FOXP1: variants seen among roughly 807,000 people sequenced by gnomAD.
FOXP1 encodes forkhead box protein P1.
Under a neutral mutation model 98.2 loss-of-function variants are expected in FOXP1, and 15 were observed. The ratio of observed to expected loss-of-function variants is 0.15; its 90% CI spans 0.10 to 0.24. The LOEUF (loss-of-function observed/expected upper bound fraction) is 0.24, where lower values mean the gene tolerates loss of function less well. FOXP1 is among the 10% of genes least tolerant of loss of function. The pLI is 1.00. For synonymous variants in FOXP1, 371 were observed against 314.5 expected, an observed-to-expected ratio of 1.18 and a Z score of -1.90; for missense variants, 633 against 848.5, an observed-to-expected ratio of 0.75 and a Z score of 3.15.
chr3:71,108,100 A>C (rs1162196318), intron 7 of FOXP1, among the ~76,000 whole-genome samples: 1 of 152,210 alleles, frequency 6.6e-6, no homozygotes, highest in African/African-American at 2.4e-5. Flanking sequence ...TTCAGGTTCA[A>C]ATTCTTTATA....
chr3:71,529,037 C>T (rs184455203), intron 2 of FOXP1, among the ~76,000 whole-genome samples: 1 of 152,290 alleles, frequency 6.6e-6, no homozygotes, highest in Admixed American at 6.5e-5. Context: ...ATCTATAAGG[C>T]TCACCTTAGA....
intron 10 of FOXP1, among the ~76,000 whole-genome samples, chr3:71,042,955 C>T (rs988067638): frequency 2.0e-5 from 3 of 152,032 alleles, no homozygotes; most frequent in East Asian, 1.9e-4. Flanking sequence ...CCAGAGAATC[C>T]GAGTGGTTAA....
At position 70,955,205 on chromosome 3, in the gene FOXP1, T is replaced by A; in HGVS notation, c.*4042A>T. On this transcript the variant is annotated 3_prime_UTR_variant, in exon 21 of 21. Coordinates refer to ENST00000649528, the MANE Select transcript of FOXP1 (RefSeq NM_001349338.3). ...TGGAATATGGAAAAGAGAGGAAATA[T>A]TTTTTAACTCTATTTTTTTTCATGA... is the stretch of plus-strand genomic sequence containing the variant. The A allele has an allele frequency of 4.3e-6, 1 of 232,222 alleles. No homozygotes were observed. Among genetic ancestry groups the A allele is most frequent in the Non-Finnish European group, 8.5e-6 (1 of 117,382 alleles). 14.4% of individuals were successfully genotyped at this position (232,222 alleles called of 1,614,324 possible). A position where few individuals can be genotyped will look rare whatever the true frequency, so the allele number is the denominator to read the frequency against.
intron 17 of FOXP1, among the ~76,000 whole-genome samples, chr3:70,974,500 T>C (rs566204944): frequency 2.0e-5 from 3 of 152,292 alleles, no homozygotes; most frequent in South Asian, 4.1e-4. Flanking sequence ...GGTCTTGCTA[T>C]GTTGCCCAGG....
rs181367607 is a variant in FOXP1, at chr3:71,469,862, G to A, written c.-168+23564C>T. On this transcript the variant is annotated intron_variant, in intron 3 of 20. Coordinates refer to ENST00000649528, the MANE Select transcript of FOXP1 (RefSeq NM_001349338.3). ...ATGTGCAGTAGCTCTCCACATCCCT[G>A]CAAGTTCTTTGGTCTTATGCCTATA... Among the ~76,000 whole-genome samples the A allele has an allele frequency of 3.0e-4, 46 of 152,180 alleles. 1 individual carries two copies. Among genetic ancestry groups the A allele is most frequent in the Middle Eastern group, 6.8e-3 (2 of 292 alleles).
intron 6 of FOXP1, among the ~76,000 whole-genome samples, chr3:71,164,577 T>C (rs1172464431): frequency 6.6e-6 from 1 of 152,204 alleles, no homozygotes; most frequent in African/African-American, 2.4e-5. Context: ...GTGAATGGAA[T>C]TTGAACAGAA....
At chr3:71,459,755 T>C (rs1335007170) in intron 3 of FOXP1, among the ~76,000 whole-genome samples, 1 of 152,202 alleles carries the variant, frequency 6.6e-6, no homozygotes, top group Admixed American at 6.5e-5. Context: ...TGAAAAAGAC[T>C]ATATATCATG....
At chr3:71,114,716 A>T (rs1022663504) in intron 6 of FOXP1, among the ~76,000 whole-genome samples, 1 of 152,146 alleles carries the variant, frequency 6.6e-6, no homozygotes, top group African/African-American at 2.4e-5. Flanking sequence ...GACAGATTCG[A>T]CAAGGCCTGC....
chr3:70,992,270 G>A (rs377692635), intron 13 of FOXP1, among the ~76,000 whole-genome samples: 3 of 152,148 alleles, frequency 2.0e-5, no homozygotes, highest in Non-Finnish European at 2.9e-5. Flanking sequence ...GGCTGTATAC[G>A]TTTCCTCAGT....
At chr3:71,545,884 A>G (rs2107641035) in intron 2 of FOXP1, among the ~76,000 whole-genome samples, 1 of 152,244 alleles carries the variant, frequency 6.6e-6, no homozygotes, top group South Asian at 2.1e-4. Context: ...TGTTTTATTC[A>G]TCTTAAGCTC....
intron 5 of FOXP1, among the ~76,000 whole-genome samples, chr3:71,278,261 G>GT (rs1001528133): frequency 1.3e-5 from 2 of 152,162 alleles, no homozygotes; most frequent in African/African-American, 2.4e-5. Context: ...TATTATTCCT[G>GT]TTTTTTACAG....
chr3:71,106,530 T>C (rs2057441207), intron 7 of FOXP1, among the ~76,000 whole-genome samples: 1 of 152,126 alleles, frequency 6.6e-6, no homozygotes, highest in African/African-American at 2.4e-5. Context: ...TTCACCTTGT[T>C]GGCCAGGCTG....
At chr3:71,497,072 G>A (rs2091470225) in intron 2 of FOXP1, among the ~76,000 whole-genome samples, 1 of 150,862 alleles carries the variant, frequency 6.6e-6, no homozygotes. Flanking sequence ...CTGAACTCTA[G>A]ACATAAAAAA....
At chr3:71,504,033 C>T (rs761459360) in intron 2 of FOXP1, among the ~76,000 whole-genome samples, 2 of 152,162 alleles carry the variant, frequency 1.3e-5, no homozygotes, top group South Asian at 2.1e-4. Context: ...GGAAGATCAA[C>T]GCCATCCCAG....
intron 4 of FOXP1, among the ~76,000 whole-genome samples, chr3:71,313,297 G>C (rs189144399): frequency 3.3e-5 from 5 of 151,874 alleles, no homozygotes; most frequent in African/African-American, 1.2e-4. Flanking sequence ...CTGACCTCAT[G>C]ATCCGTCCGC....
chr3:71,437,357 C>T (rs1178371255), intron 3 of FOXP1, among the ~76,000 whole-genome samples: 2 of 152,046 alleles, frequency 1.3e-5, no homozygotes, highest in Non-Finnish European at 2.9e-5. Context: ...CAGTCAACCA[C>T]GATCATACCA....
intron 7 of FOXP1, among the ~76,000 whole-genome samples, chr3:71,105,258 G>A: frequency 6.6e-6 from 1 of 152,074 alleles, no homozygotes; most frequent in East Asian, 1.9e-4. Flanking sequence ...GACCAGCAAG[G>A]GTCCGACAGT....
intron 5 of FOXP1, among the ~76,000 whole-genome samples, chr3:71,241,316 T>C (rs561284241): frequency 6.6e-6 from 1 of 152,288 alleles, no homozygotes; most frequent in Admixed American, 6.5e-5. Flanking sequence ...ACACAATTTG[T>C]GACCATAAAC....
chr3:71,267,484 G>A (rs935456355), intron 5 of FOXP1, among the ~76,000 whole-genome samples: 1 of 152,128 alleles, frequency 6.6e-6, no homozygotes, highest in Non-Finnish European at 1.5e-5. Flanking sequence ...CTGCATCTGC[G>A]AGTAGAAATG....
Sources: allele counts gnomAD v4.1 joint callset (sites outside exome capture counted in the v4.1 genomes callset), GRCh38; gene constraint gnomAD v4.1.1; transcripts MANE v1.5; gene names NCBI Gene and HGNC (gene_info 2026-07-23, HGNC 2026-07-21).